TBCEL: variants seen among roughly 807,000 people sequenced by gnomAD.
TBCEL encodes tubulin-specific chaperone cofactor E-like protein.
In TBCEL, 15 loss-of-function variants were observed where a neutral mutation model predicts 44.2. The observed-to-expected ratio is 0.34, with a 90% confidence interval of 0.23 to 0.52. The LOEUF is 0.52. Among genes scored for constraint, TBCEL ranks in the 20% least tolerant of loss-of-function variants. The pLI is 0.95. For missense variants in TBCEL, 319 were observed against 506.3 expected (o/e 0.63, Z 3.55); for synonymous variants, 171 against 185.4 (o/e 0.92, Z 0.63).
rs537807968 is a variant in TBCEL, at chr11:121,039,121, G to A, written c.-18+2509G>A. Among the ~76,000 whole-genome samples the A allele has an allele frequency of 7.2e-4, 110 of 152,212 alleles. 1 individual carries two copies. Among genetic ancestry groups the A allele is most frequent in the South Asian group, 2.5e-3 (12 of 4,820 alleles). On this transcript the variant is annotated intron_variant, in intron 2 of 8. Transcript: ENST00000683345. ...CAAGAAAGTCATGACCTTACTGACC[G>A]CTGTCACCTCCACAGTTGAATCTCC... is the stretch of plus-strand genomic sequence containing the variant.
At chr11:121,073,921 AT>A (rs1390177031) in intron 8 of TBCEL, among the ~76,000 whole-genome samples, 3 of 151,792 alleles carry the variant, frequency 2.0e-5, no homozygotes, top group Non-Finnish European at 4.4e-5. Flanking sequence ...GAAATATTAA[AT>A]TTTCTTTTTA....
rs559538775 is a variant in TBCEL at position 121,090,253 on chromosome 11, A to T, written c.*3157A>T. ...TCAGTTCTAACCAGATGTTCCAGCT[A>T]TGTTACTCAACCAGCAGTGGTAGGA... On this transcript the variant is annotated 3_prime_UTR_variant, in exon 9 of 9. Coordinates refer to ENST00000683345, the MANE Select transcript of TBCEL (RefSeq NM_001363644.2). 40 of 152,310 alleles carry T rather than the reference A, an allele frequency of 2.6e-4. No individual in the cohort carries two copies. The highest frequency in any genetic ancestry group is 8.7e-4 in the African/African-American group (36 of 41,586). 9.4% of individuals were successfully genotyped at this position (152,310 alleles called of 1,614,324 possible). A position where few individuals can be genotyped will look rare whatever the true frequency, so the allele number is the denominator to read the frequency against.
At chr11:121,057,344 G>T (rs921657532) in intron 6 of TBCEL, among the ~76,000 whole-genome samples, 1 of 151,874 alleles carries the variant, frequency 6.6e-6, no homozygotes, top group Non-Finnish European at 1.5e-5. Flanking sequence ...AATTTTTCCT[G>T]TGTGGAAGAC....
chr11:121,075,648 T>A (rs1181234452), intron 8 of TBCEL, among the ~76,000 whole-genome samples: 1 of 151,956 alleles, frequency 6.6e-6, no homozygotes, highest in Non-Finnish European at 1.5e-5. Context: ...CTTCTCTGAT[T>A]TCTTCCACTA....
chr11:121,035,177 GCTTT>G (rs1306267425), intron 1 of TBCEL: 3 of 152,202 alleles, frequency 2.0e-5, no homozygotes, highest in African/African-American at 7.2e-5. Flanking sequence ...TTTATTAAGT[GCTTT>G]CTATGTGCCA....
intron 1 of TBCEL, among the ~76,000 whole-genome samples, chr11:121,027,245 G>A (rs906817304): frequency 1.3e-5 from 2 of 152,128 alleles, no homozygotes; most frequent in African/African-American, 4.8e-5. Flanking sequence ...CCTTATTTGC[G>A]ATTGTTGCCT....
At chr11:121,081,436 G>A (rs186171860) in intron 8 of TBCEL, among the ~76,000 whole-genome samples, 1 of 152,320 alleles carries the variant, frequency 6.6e-6, no homozygotes, top group Admixed American at 6.5e-5. Context: ...TGGGGCTTAT[G>A]AATATTAAAT....
At chr11:121,051,402 T>A (rs996791170) in intron 4 of TBCEL, among the ~76,000 whole-genome samples, 1 of 151,806 alleles carries the variant, frequency 6.6e-6, no homozygotes, top group African/African-American at 2.4e-5. Context: ...TAACTGGGGT[T>A]GTCCTATAAG....
chr11:121,080,117 G>A lies in TBCEL; in HGVS notation c.957-6661G>A, dbSNP rs565797644. Among the ~76,000 whole-genome samples the A allele has an allele frequency of 1.4e-4, 21 of 152,162 alleles. 2 individuals carry two copies. The highest frequency in any genetic ancestry group is 8.5e-4 in the Admixed American group (13 of 15,270). ...CAGGTGTGAGCCACCATGCCTGGCC[G>A]TATTTTTCTTTTAGTTAATTAAACT... On this transcript the variant is annotated intron_variant, in intron 8 of 8. Coordinates refer to ENST00000683345, the MANE Select transcript of TBCEL (RefSeq NM_001363644.2).
chr11:121,033,406 G>C (rs779235535), intron 1 of TBCEL, among the ~76,000 whole-genome samples: 1 of 152,082 alleles, frequency 6.6e-6, no homozygotes, highest in Non-Finnish European at 1.5e-5. Flanking sequence ...CATGAACATT[G>C]ATAAAGGATT....
chr11:121,057,683 A>G (rs1334766039), intron 6 of TBCEL: 1 of 445,700 alleles, frequency 2.2e-6, no homozygotes, highest in Non-Finnish European at 4.5e-6. Flanking sequence ...ATACAGTATC[A>G]CAATTATTTA....
At chr11:121,031,662 C>CTTTTT (rs1159376351) in intron 1 of TBCEL, among the ~76,000 whole-genome samples, 236 of 101,848 alleles carry the variant, frequency 2.3e-3, no homozygotes, top group Middle Eastern at 6.3e-3. Flanking sequence ...TTTTTTCTTT[C>CTTTTT]TTTTTTTTTT....
intron 3 of TBCEL, 53 bp downstream of exon 3, chr11:121,045,876 T>G (rs1268832040): frequency 2.0e-6 from 3 of 1,468,532 alleles, no homozygotes; most frequent in Non-Finnish European, 2.7e-6. Context: ...CTTAGGATGT[T>G]AAATCACAGT....
chr11:121,073,754 A>G (rs189264009), intron 8 of TBCEL, among the ~76,000 whole-genome samples: 59 of 151,668 alleles, frequency 3.9e-4, no homozygotes, highest in South Asian at 2.7e-3. Flanking sequence ...TTCTATCTCT[A>G]TTTTTCTAAG....
chr11:121,044,208 C>G (rs1945386999), intron 2 of TBCEL, among the ~76,000 whole-genome samples: 1 of 152,124 alleles, frequency 6.6e-6, no homozygotes, highest in Admixed American at 6.6e-5. Flanking sequence ...GCAGTATCTT[C>G]CTAACTCTTC....
At position 121,049,659 on chromosome 11, in the gene TBCEL, T is replaced by C. The variant is rs191752489; in HGVS notation, c.273+1992T>C. ...CTCTGCAACATTTAACTGCCATGCA[T>C]GCTTTATCTGCACTTCAAATTTGTT... On this transcript the variant is annotated intron_variant, in intron 4 of 8. Coordinates refer to ENST00000683345, the MANE Select transcript of TBCEL (RefSeq NM_001363644.2). 2.4e-3 allele frequency among the ~76,000 whole-genome samples: 370 copies of C among 151,972 alleles called. 2 individuals are homozygous for C. The highest frequency in any genetic ancestry group is 8.3e-3 in the African/African-American group (346 of 41,538).
chr11:121,047,785 G>T, intron 4 of TBCEL, 118 bp downstream of exon 4: 1 of 1,270,546 alleles, frequency 7.9e-7, no homozygotes, highest in Non-Finnish European at 1.1e-6. Context: ...ATGACTTCTT[G>T]TTGTCTGTAT....
At chr11:121,073,676 A>G (rs75737106) in intron 8 of TBCEL, among the ~76,000 whole-genome samples, 1 of 151,964 alleles carries the variant, frequency 6.6e-6, no homozygotes, top group Non-Finnish European at 1.5e-5. Context: ...CAGGGAATGC[A>G]TCTAAAGTTT....
rs187149005 is a variant in TBCEL, at chr11:121,090,596, G to A, written c.*3500G>A. 7 of 151,686 alleles carry A rather than the reference G, an allele frequency of 4.6e-5. No individual in the cohort carries two copies. In the East Asian group the frequency reaches 1.4e-3, roughly 29 times the overall value. The allele number at this position is 151,686 out of a possible 1,614,324, so 9.4% of individuals were successfully genotyped here. ...ATATGTCCATTGTAGTGGTGGAGAG[G>A]GACTGGACTCTCTCAGGCTCTTTAC... On this transcript the variant is annotated 3_prime_UTR_variant, in exon 9 of 9. Coordinates refer to ENST00000683345, the MANE Select transcript of TBCEL (RefSeq NM_001363644.2).
Sources: allele counts gnomAD v4.1 joint callset (sites outside exome capture counted in the v4.1 genomes callset), GRCh38; gene constraint gnomAD v4.1.1; transcripts MANE v1.5; gene names NCBI Gene and HGNC (gene_info 2026-07-23, HGNC 2026-07-21).